Variants in PLCB1 observed in about 807,000 individuals in gnomAD.
PLCB1 encodes the protein phospholipase C beta 1, also known as 1-phosphatidylinositol 4,5-bisphosphate phosphodiesterase beta-1.
Under a neutral mutation model 161.8 loss-of-function variants are expected in PLCB1, and 46 were observed. The observed-to-expected ratio is 0.28, with a 90% CI of 0.22 to 0.36. The LOEUF (loss-of-function observed/expected upper bound fraction) is 0.36, where lower values mean the gene tolerates loss of function less well. Among genes scored for constraint, PLCB1 ranks in the 10% least tolerant of loss-of-function variants. PLCB1 has a pLI of 1.00. For missense variants in PLCB1, 1,016 were observed against 1,472.5 expected (o/e 0.69, Z 5.07); for synonymous variants, 517 against 503.7 (o/e 1.03, Z -0.35).
intron 31 of PLCB1, among the ~76,000 whole-genome samples, chr20:8,849,143 G>A (rs189805779): frequency 6.6e-5 from 10 of 152,250 alleles, no homozygotes; most frequent in African/African-American, 1.7e-4. Flanking sequence ...ATATGTGGTC[G>A]TAGAAATAAA....
At chr20:8,868,684 T>C (rs1208724498) in intron 31 of PLCB1, among the ~76,000 whole-genome samples, 2 of 152,164 alleles carry the variant, frequency 1.3e-5, no homozygotes, top group African/African-American at 4.8e-5. Context: ...CAGGCTGGAG[T>C]GCAGTGGCAC....
Position 8,258,076 on chromosome 20 carries a change from T to A in PLCB1, c.177+107705T>A, listed in dbSNP as rs559260888. Among the ~76,000 whole-genome samples the A allele has an allele frequency of 2.0e-5, 3 of 152,320 alleles. No homozygotes were observed. The East Asian group carries it at 5.8e-4, about 29-fold the overall frequency. ...CTAGATTTACTCAAGTTTACACTCA[T>A]TCCACATGTTTTTCTAAATACAGAA... is the stretch of plus-strand genomic sequence containing the variant. On this transcript the variant is annotated intron_variant, in intron 2 of 31. Coordinates refer to ENST00000338037, the MANE Select transcript of PLCB1 (RefSeq NM_015192.4).
At chr20:8,724,042 G>T (rs1979793494) in intron 15 of PLCB1, among the ~76,000 whole-genome samples, 1 of 151,738 alleles carries the variant, frequency 6.6e-6, no homozygotes, top group Admixed American at 6.6e-5. Flanking sequence ...GACACATAAA[G>T]GGACATGGGG....
At chr20:8,658,763 C>G in intron 9 of PLCB1, 59 bp downstream of exon 9, 1 of 1,407,256 alleles carries the variant, frequency 7.1e-7, no homozygotes, top group East Asian at 2.4e-5. Flanking sequence ...GGTAGTCACA[C>G]GCTGGGAGTT....
intron 2 of PLCB1, among the ~76,000 whole-genome samples, chr20:8,235,051 C>T (rs2123191958): frequency 6.6e-6 from 1 of 152,200 alleles, no homozygotes; most frequent in Non-Finnish European, 1.5e-5. Flanking sequence ...CAACAGAGCA[C>T]CATGTTGCCT....
rs144380142 is a variant in PLCB1 at position 8,499,934 on chromosome 20, A to G, written c.247-128360A>G. Among the ~76,000 whole-genome samples the G allele has an allele frequency of 2.3e-3, 347 of 152,344 alleles. 2 individuals are homozygous for G. Among genetic ancestry groups the G allele is most frequent in the Admixed American group, 4.0e-3 (61 of 15,308 alleles). On this transcript the variant is annotated intron_variant, in intron 3 of 31. Coordinates refer to ENST00000338037, the MANE Select transcript of PLCB1 (RefSeq NM_015192.4). ...GAGCTTCTAGTCTATTAAACATTAGATGGACAAGTCAGTCTTTCTACTTTT... is the reference window on the plus strand; with the variant it reads ...GAGCTTCTAGTCTATTAAACATTAGGTGGACAAGTCAGTCTTTCTACTTTT...
intron 2 of PLCB1, among the ~76,000 whole-genome samples, chr20:8,334,081 T>C (rs1161986139): frequency 6.6e-6 from 1 of 152,006 alleles, no homozygotes; most frequent in Non-Finnish European, 1.5e-5. Flanking sequence ...TGGTGGTGCA[T>C]GCCTGTAATC....
In PLCB1 at chr20:8,774,362, T is replaced by C. The variant is rs139326062; in HGVS notation, c.2931-177T>C. ...CATGAATTCCATTCAGTCTCTGGGA[T>C]TGGAGACACTCTATTGCTAAGCTTG... is the stretch of plus-strand genomic sequence containing the variant. On this transcript the variant is annotated intron_variant, in intron 26 of 31. Coordinates refer to ENST00000338037, the MANE Select transcript of PLCB1 (RefSeq NM_015192.4). Among the ~76,000 whole-genome samples, 1,871 of 152,330 alleles carry C rather than the reference T, an allele frequency of 0.012. 45 individuals are homozygous for C. The highest frequency in any genetic ancestry group is 0.042 in the African/African-American group (1,736 of 41,578).
At chr20:8,513,653 C>G (rs1983987010) in intron 3 of PLCB1, among the ~76,000 whole-genome samples, 1 of 152,118 alleles carries the variant, frequency 6.6e-6, no homozygotes, top group South Asian at 2.1e-4. Flanking sequence ...TTTCTAAAAT[C>G]TACTGCATGA....
chr20:8,401,130 C>T (rs1978530961), intron 3 of PLCB1, among the ~76,000 whole-genome samples: 1 of 150,070 alleles, frequency 6.7e-6, no homozygotes, highest in African/African-American at 2.5e-5. Flanking sequence ...ATTTGAATTT[C>T]TTCTACTGTG....
At chr20:8,859,820 G>A (rs1055535137) in intron 31 of PLCB1, among the ~76,000 whole-genome samples, 1 of 151,918 alleles carries the variant, frequency 6.6e-6, no homozygotes, top group Non-Finnish European at 1.5e-5. Flanking sequence ...AAAATACAGT[G>A]GGAGTAGGAG....
intron 3 of PLCB1, among the ~76,000 whole-genome samples, chr20:8,449,494 A>T (rs1462268936): frequency 1.3e-5 from 2 of 152,232 alleles, no homozygotes; most frequent in Non-Finnish European, 2.9e-5. Flanking sequence ...TTCAGCAGGC[A>T]GGTGCAACTC....
At chr20:8,344,821 G>T (rs1985940957) in intron 2 of PLCB1, among the ~76,000 whole-genome samples, 1 of 152,192 alleles carries the variant, frequency 6.6e-6, no homozygotes, top group African/African-American at 2.4e-5. Flanking sequence ...AAGTGCATGA[G>T]GGAGCAGGGA....
intron 31 of PLCB1, among the ~76,000 whole-genome samples, chr20:8,847,782 A>G (rs1196473079): frequency 6.6e-6 from 1 of 152,244 alleles, no homozygotes; most frequent in Non-Finnish European, 1.5e-5. Context: ...ACTTACATTT[A>G]GATTTACAGT....
At chr20:8,784,916 T>G (rs1983412425) in intron 27 of PLCB1, among the ~76,000 whole-genome samples, 1 of 152,228 alleles carries the variant, frequency 6.6e-6, no homozygotes, top group African/African-American at 2.4e-5. Context: ...TCGGGTCCAG[T>G]GTAGTTTTGA....
chr20:8,852,556 A>G (rs1424430005), intron 31 of PLCB1, among the ~76,000 whole-genome samples: 1 of 152,120 alleles, frequency 6.6e-6, no homozygotes, highest in Non-Finnish European at 1.5e-5. Context: ...TCCTTTGTCC[A>G]CAGAAGCCAC....
chr20:8,541,597 A>AAAGAAAGAAAGAAAGAAAGAAAGGAAGG (rs1568500404), intron 3 of PLCB1, among the ~76,000 whole-genome samples: 1 of 151,488 alleles, frequency 6.6e-6, no homozygotes, highest in African/African-American at 2.4e-5. Flanking sequence ...AGAAAGAAAG[A>AAAGAAAGAAAGAAAGAAAGAAAGGAAGG]AAGAAAGAAA....
chr20:8,586,179 C>T (rs1210327692), intron 3 of PLCB1, among the ~76,000 whole-genome samples: 1 of 152,098 alleles, frequency 6.6e-6, no homozygotes, highest in Non-Finnish European at 1.5e-5. Flanking sequence ...GTTGACATGC[C>T]CTTGATATGG....
chr20:8,729,192 C>G lies in PLCB1; in HGVS notation c.1888+18C>G, dbSNP rs1296662657. The G allele has an allele frequency of 1.3e-6, 2 of 1,587,736 alleles. No individual in the cohort carries two copies. Among genetic ancestry groups the G allele is most frequent in the Admixed American group, 1.7e-5 (1 of 57,186 alleles). On this transcript the variant is annotated intron_variant, in intron 18 of 31. Transcript: ENST00000338037. ...GACAATGGGTAAGTACATGCTTGTT[C>G]CCATTCTGCTATGAACTCACATTGC...
Sources: allele counts gnomAD v4.1 joint callset (sites outside exome capture counted in the v4.1 genomes callset), GRCh38; gene constraint gnomAD v4.1.1; transcripts MANE v1.5; gene names NCBI Gene and HGNC (gene_info 2026-07-23, HGNC 2026-07-21).